Variants in ST6GALNAC3 observed in about 807,000 individuals in gnomAD.
ST6GALNAC3 encodes alpha-N-acetylgalactosaminide alpha-2,6-sialyltransferase 3.
In ST6GALNAC3, 25 loss-of-function variants were observed where a neutral mutation model predicts 32.7. The ratio of observed to expected loss-of-function variants is 0.76; its 90% CI spans 0.56 to 1.07. The LOEUF (loss-of-function observed/expected upper bound fraction) is 1.07, where lower values mean the gene tolerates loss of function less well. ST6GALNAC3 is among the 50% of genes least tolerant of loss of function. The probability of loss-of-function intolerance (pLI) is 0.00; values close to 1 mark genes in which losing one functional copy is unlikely to be tolerated. For missense variants in ST6GALNAC3, 355 were observed against 382.4 expected (o/e 0.93, Z 0.60); for synonymous variants, 129 against 133.1 (o/e 0.97, Z 0.21).
At chr1:76,545,851 G>A (rs945895960) in intron 3 of ST6GALNAC3, among the ~76,000 whole-genome samples, 1 of 151,990 alleles carries the variant, frequency 6.6e-6, no homozygotes, top group South Asian at 2.1e-4. Context: ...TAGAGACAGG[G>A]TTTCTCCATG....
At chr1:76,342,354 C>T (rs1285030145) in intron 2 of ST6GALNAC3, among the ~76,000 whole-genome samples, 2 of 152,178 alleles carry the variant, frequency 1.3e-5, no homozygotes, top group Admixed American at 6.5e-5. Context: ...TATTTCTCCA[C>T]ATCCTCTCCA....
chr1:76,106,838 T>C (rs1388179459), intron 1 of ST6GALNAC3, among the ~76,000 whole-genome samples: 2 of 152,206 alleles, frequency 1.3e-5, no homozygotes, highest in African/African-American at 4.8e-5. Flanking sequence ...TATCTTTCCT[T>C]CCCTAGGCTC....
chr1:76,428,299 T>C (rs1336206549), intron 3 of ST6GALNAC3, among the ~76,000 whole-genome samples: 1 of 152,086 alleles, frequency 6.6e-6, no homozygotes, highest in Non-Finnish European at 1.5e-5. Flanking sequence ...GAAAACTCTT[T>C]AAGACATTTT....
chr1:76,380,680 GA>G (rs1651632898), intron 2 of ST6GALNAC3, among the ~76,000 whole-genome samples: 1 of 152,040 alleles, frequency 6.6e-6, no homozygotes, highest in Non-Finnish European at 1.5e-5. Context: ...GATAATAACA[GA>G]AAAAAATCAG....
At chr1:76,348,653 G>A (rs1254621513) in intron 2 of ST6GALNAC3, among the ~76,000 whole-genome samples, 2 of 152,140 alleles carry the variant, frequency 1.3e-5, no homozygotes, top group Non-Finnish European at 2.9e-5. Context: ...CAGACAGAAC[G>A]ATCATATATG....
chr1:76,522,590 CAT>C (rs1662615406), intron 3 of ST6GALNAC3, among the ~76,000 whole-genome samples: 1 of 152,118 alleles, frequency 6.6e-6, no homozygotes, highest in Admixed American at 6.6e-5. Flanking sequence ...TATTTTAAGA[CAT>C]AACACTTTTT....
intron 1 of ST6GALNAC3, among the ~76,000 whole-genome samples, chr1:76,301,264 A>G (rs991407603): frequency 2.6e-5 from 4 of 151,972 alleles, no homozygotes; most frequent in Non-Finnish European, 5.9e-5. Context: ...AGAGGCAGAG[A>G]TCATTAGTTT....
At chr1:76,226,117 C>A (rs1656054803) in intron 1 of ST6GALNAC3, among the ~76,000 whole-genome samples, 1 of 152,104 alleles carries the variant, frequency 6.6e-6, no homozygotes, top group African/African-American at 2.4e-5. Flanking sequence ...GAAAGTAAAT[C>A]AATTGCACCC....
chr1:76,193,438 G>A lies in ST6GALNAC3; in HGVS notation c.18+118554G>A, dbSNP rs116293943. Among the ~76,000 whole-genome samples, 1,216 of 152,088 alleles carry A rather than the reference G, an allele frequency of 8.0e-3. 14 individuals carry two copies. The highest frequency in any genetic ancestry group is 0.028 in the African/African-American group (1,166 of 41,480). On this transcript the variant is annotated intron_variant, in intron 1 of 4. Coordinates refer to ENST00000328299, the MANE Select transcript of ST6GALNAC3 (RefSeq NM_152996.4). ...AGCCTCCCTTCTTTATCTTCTCTTA[G>A]CGTCCTTGATTTCCTCCACAACATT...
At chr1:76,621,084 T>A (rs1376940154) in intron 3 of ST6GALNAC3, among the ~76,000 whole-genome samples, 1 of 152,122 alleles carries the variant, frequency 6.6e-6, no homozygotes, top group African/African-American at 2.4e-5. Flanking sequence ...CTTTTAAATG[T>A]ACGTTTTTGA....
At chr1:76,196,377 A>G (rs982373236) in intron 1 of ST6GALNAC3, among the ~76,000 whole-genome samples, 1 of 152,232 alleles carries the variant, frequency 6.6e-6, no homozygotes, top group Non-Finnish European at 1.5e-5. Context: ...GCACACTATA[A>G]GAAACTGAAT....
intron 1 of ST6GALNAC3, among the ~76,000 whole-genome samples, chr1:76,281,153 C>T (rs12079387): frequency 0.043 from 6,506 of 152,098 alleles, 449 homozygotes; most frequent in African/African-American, 0.15. Flanking sequence ...ATTTTTGTGC[C>T]GACACCTTAA....
intron 3 of ST6GALNAC3, among the ~76,000 whole-genome samples, chr1:76,566,064 G>A (rs920436229): frequency 6.6e-6 from 1 of 152,128 alleles, no homozygotes; most frequent in Non-Finnish European, 1.5e-5. Context: ...TGTTTTTAAA[G>A]AAAAGAGGAC....
intron 1 of ST6GALNAC3, among the ~76,000 whole-genome samples, chr1:76,121,486 G>A (rs1304384731): frequency 6.6e-6 from 1 of 152,144 alleles, no homozygotes; most frequent in Non-Finnish European, 1.5e-5. Flanking sequence ...GGAGGCTGAG[G>A]CGGGCAGATC....
intron 1 of ST6GALNAC3, among the ~76,000 whole-genome samples, chr1:76,097,599 G>T (rs892795702): frequency 2.6e-5 from 4 of 152,098 alleles, no homozygotes; most frequent in Non-Finnish European, 4.4e-5. Flanking sequence ...CTTTATTAGT[G>T]CATGAGAACA....
chr1:76,595,877 T>C (rs1647128783), intron 3 of ST6GALNAC3, among the ~76,000 whole-genome samples: 1 of 152,084 alleles, frequency 6.6e-6, no homozygotes. Context: ...AATGGGGGTG[T>C]CCTGTAGTTG....
chr1:76,383,259 A>G (rs1030749319), intron 2 of ST6GALNAC3, among the ~76,000 whole-genome samples: 2 of 152,046 alleles, frequency 1.3e-5, no homozygotes, highest in Non-Finnish European at 2.9e-5. Flanking sequence ...AATATTATTT[A>G]TCTATTTATT....
chr1:76,243,805 G>T (rs747813191), intron 1 of ST6GALNAC3, among the ~76,000 whole-genome samples: 39 of 151,784 alleles, frequency 2.6e-4, no homozygotes, highest in Non-Finnish European at 4.1e-4. Flanking sequence ...TATTCCTTTG[G>T]TCTATTCGAT....
At chr1:76,491,428 C>T (rs993171541) in intron 3 of ST6GALNAC3, among the ~76,000 whole-genome samples, 1 of 152,136 alleles carries the variant, frequency 6.6e-6, no homozygotes, top group Non-Finnish European at 1.5e-5. Context: ...ATTTTCCTGA[C>T]TTGTTTCCTA....
Sources: gnomAD v4.1 joint callset for allele counts (sites outside exome capture counted in the v4.1 genomes callset) on GRCh38, gnomAD v4.1.1 for gene constraint, MANE v1.5 for transcripts, NCBI Gene and HGNC (gene_info 2026-07-23, HGNC 2026-07-21) for gene names.